The following GVQW3 variants were observed in gnomAD, a reference collection of about 807,000 sequenced individuals.
GVQW3 encodes protein GVQW3.
A neutral mutation model predicts 12.5 loss-of-function variants in GVQW3; 7 were observed. The observed-to-expected ratio is 0.56, with a 90% CI of 0.32 to 1.05. GVQW3 has a LOEUF of 1.05. Among genes scored for constraint, GVQW3 ranks in the 50% least tolerant of loss-of-function variants. GVQW3 has a pLI of 0.04. For missense variants in GVQW3, 188 were observed against 190.8 expected (o/e 0.99, Z 0.09); for synonymous variants, 71 against 67.2 (o/e 1.06, Z -0.28).
chr11:76,393,308 A>G (rs1946910190), intron 1 of GVQW3, among the ~76,000 whole-genome samples: 1 of 152,064 alleles, frequency 6.6e-6, no homozygotes, highest in Non-Finnish European at 1.5e-5. Flanking sequence ...AGTATCTACC[A>G]CCCACCCAGT....
intron 1 of GVQW3, chr11:76,392,994 T>C (rs765898218): frequency 2.0e-5 from 3 of 152,202 alleles, no homozygotes; most frequent in Non-Finnish European, 4.4e-5. Flanking sequence ...TAAGGACTTA[T>C]ATCCCTAAAC....
chr11:76,389,293 T>C (rs1946868110), intron 1 of GVQW3, among the ~76,000 whole-genome samples: 1 of 152,256 alleles, frequency 6.6e-6, no homozygotes, highest in Non-Finnish European at 1.5e-5. Context: ...TGGGTTTTCC[T>C]GGTTTTATGC....
At chr11:76,397,388 T>A (rs747847644) in intron 1 of GVQW3, among the ~76,000 whole-genome samples, 17 of 152,244 alleles carry the variant, frequency 1.1e-4, no homozygotes, top group Non-Finnish European at 2.1e-4. Flanking sequence ...ACATTTAGGT[T>A]GTTTTCGGCT....
Position 76,381,577 on chromosome 11 carries a change from C to G in GVQW3, c.-252C>G. 2 of 429,944 alleles carry G rather than the reference C, an allele frequency of 4.7e-6. No individual in the cohort carries two copies. Among genetic ancestry groups the G allele is most frequent in the Non-Finnish European group, 8.3e-6 (2 of 241,432 alleles). The allele number at this position is 429,944 out of a possible 1,614,324, so 26.6% of individuals were successfully genotyped here. A position where few individuals can be genotyped will look rare whatever the true frequency, so the allele number is the denominator to read the frequency against. On this transcript the variant is annotated 5_prime_UTR_variant, in exon 1 of 2. Transcript: ENST00000529331. ...CAGATGTGCGTGCACTGGTTTGATG[C>G]AGACGTGGTTGTAGGCGATTTAATT...
chr11:76,403,228 G>A (rs1947008263), intron 1 of GVQW3, among the ~76,000 whole-genome samples: 1 of 152,138 alleles, frequency 6.6e-6, no homozygotes, highest in African/African-American at 2.4e-5. Context: ...TTACAGGCGT[G>A]AGCCACCACT....
intron 1 of GVQW3, among the ~76,000 whole-genome samples, chr11:76,402,552 C>CA (rs201157273): frequency 0.08 from 10,274 of 127,714 alleles, 396 homozygotes; most frequent in Non-Finnish European, 0.1. Context: ...GACTCTGTCT[C>CA]AAAAAAAAAA....
chr11:76,387,991 A>G (rs564442249), intron 1 of GVQW3, among the ~76,000 whole-genome samples: 8 of 152,326 alleles, frequency 5.3e-5, no homozygotes, highest in African/African-American at 1.7e-4. Flanking sequence ...CTAAAGCTGA[A>G]TGATTGGCTA....
intron 1 of GVQW3, among the ~76,000 whole-genome samples, chr11:76,397,957 G>A (rs185998737): frequency 2.0e-4 from 31 of 152,104 alleles, no homozygotes; most frequent in Non-Finnish European, 3.5e-4. Flanking sequence ...CCAACATGGT[G>A]AAACCCCATC....
intron 1 of GVQW3, among the ~76,000 whole-genome samples, chr11:76,385,170 G>A (rs1350275228): frequency 6.6e-6 from 1 of 152,222 alleles, no homozygotes; most frequent in African/African-American, 2.4e-5. Context: ...AGGTAATTAG[G>A]AGTGTGAATT....
intron 1 of GVQW3, among the ~76,000 whole-genome samples, chr11:76,397,733 AT>A (rs1309421737): frequency 2.0e-5 from 3 of 152,242 alleles, no homozygotes; most frequent in Non-Finnish European, 4.4e-5. Flanking sequence ...TAAAAGTTGC[AT>A]GGTTGATAGC....
chr11:76,389,106 T>C (rs1485238294), intron 1 of GVQW3, among the ~76,000 whole-genome samples: 1 of 152,252 alleles, frequency 6.6e-6, no homozygotes, highest in East Asian at 1.9e-4. Flanking sequence ...ACAGTATGAC[T>C]ATCCAGTAGA....
chr11:76,382,926 C>T (rs1001177565), intron 1 of GVQW3: 4 of 160,384 alleles, frequency 2.5e-5, no homozygotes, highest in Admixed American at 2.4e-4. Context: ...AAGGTAGTAG[C>T]ATGCTGGTAT....
In GVQW3 at chr11:76,381,421, A is replaced by G. The variant is rs1946765376; in HGVS notation, c.-408A>G. The stretch of plus-strand genomic sequence containing the variant: ...TTCTGCAGATCTAGGGCGAGCTTGC[A>G]CGTTACATCACCGATGCATCTCTTC... On this transcript the variant is annotated 5_prime_UTR_variant, in exon 1 of 2. Transcript: ENST00000529331. 6.1e-6 allele frequency: 1 copy of G among 163,326 alleles called. No homozygotes were observed. Among genetic ancestry groups the G allele is most frequent in the Non-Finnish European group, 1.3e-5 (1 of 75,242 alleles). 10.1% of individuals were successfully genotyped at this position (163,326 alleles called of 1,614,324 possible). A position where few individuals can be genotyped will look rare whatever the true frequency, so the allele number is the denominator to read the frequency against.
At chr11:76,391,386 A>G (rs1946890820) in intron 1 of GVQW3, among the ~76,000 whole-genome samples, 2 of 152,220 alleles carry the variant, frequency 1.3e-5, no homozygotes, top group South Asian at 4.1e-4. Flanking sequence ...TCTTAAAGAA[A>G]AGATGTGTGC....
intron 1 of GVQW3, among the ~76,000 whole-genome samples, chr11:76,401,150 T>A (rs1355642022): frequency 6.6e-6 from 1 of 151,904 alleles, no homozygotes; most frequent in Non-Finnish European, 1.5e-5. Context: ...TATAATTACA[T>A]GCATGAGCCA....
chr11:76,389,601 A>G (rs1469212245), intron 1 of GVQW3: 1 of 152,246 alleles, frequency 6.6e-6, no homozygotes. Context: ...ATGTAGTCGT[A>G]GGTCGGTAAA....
chr11:76,410,473 A>G (rs1256020214), downstream of GVQW3, among the ~76,000 whole-genome samples: 2 of 151,574 alleles, frequency 1.3e-5, no homozygotes, highest in African/African-American at 4.9e-5. Context: ...TCCTTATGAC[A>G]CCAGAACAGT....
Position 76,404,053 on chromosome 11 carries a change from T to A in GVQW3, c.*295T>A. 3.5e-6 allele frequency: 2 copies of A among 565,780 alleles called. No individual in the cohort carries two copies. Among genetic ancestry groups the A allele is most frequent in the South Asian group, 2.2e-5 (1 of 45,840 alleles). The allele number at this position is 565,780 out of a possible 1,614,324, so 35.0% of individuals were successfully genotyped here. Reference sequence around the variant, plus strand: ...CACACCCAGAAATAATGTTTTCCCATCTATCTCAGTACCCCATGATCCAGT... The same window carrying A: ...CACACCCAGAAATAATGTTTTCCCAACTATCTCAGTACCCCATGATCCAGT... On this transcript the variant is annotated 3_prime_UTR_variant, in exon 2 of 2. Coordinates refer to ENST00000529331, the MANE Select transcript of GVQW3 (RefSeq NM_001347885.2).
chr11:76,391,476 G>T (rs938868336), intron 1 of GVQW3, among the ~76,000 whole-genome samples: 1 of 152,212 alleles, frequency 6.6e-6, no homozygotes, highest in Admixed American at 6.5e-5. Flanking sequence ...ATTATTTATG[G>T]GAGACCAGGG....
Sources: gnomAD v4.1 joint callset for allele counts (sites outside exome capture counted in the v4.1 genomes callset) on GRCh38, gnomAD v4.1.1 for gene constraint, MANE v1.5 for transcripts, NCBI Gene and HGNC (gene_info 2026-07-23, HGNC 2026-07-21) for gene names.